The following PAPPA variants were observed in gnomAD, a reference collection of about 807,000 sequenced individuals.
The protein encoded by PAPPA is pappalysin-1.
A neutral mutation model predicts 164.0 loss-of-function variants in PAPPA; 60 were observed. The observed-to-expected ratio is 0.37, with a 90% CI of 0.30 to 0.45. The LOEUF is 0.45. Among genes scored for constraint, PAPPA ranks in the 20% least tolerant of loss-of-function variants. The probability of loss-of-function intolerance (pLI) is 1.00; values close to 1 mark genes in which losing one functional copy is unlikely to be tolerated. For synonymous variants in PAPPA, 875 were observed against 814.1 expected (o/e 1.07, Z -1.27); for missense variants, 1,782 against 2,087.3 (o/e 0.85, Z 2.85).
At chr9:116,348,934 T>C (rs1846245840) in intron 15 of PAPPA, among the ~76,000 whole-genome samples, 1 of 152,238 alleles carries the variant, frequency 6.6e-6, no homozygotes, top group South Asian at 2.1e-4. Context: ...TCCATGTCTT[T>C]ACTATTGGAA....
intron 7 of PAPPA, among the ~76,000 whole-genome samples, chr9:116,247,198 A>G (rs534683331): frequency 1.2e-4 from 19 of 152,166 alleles, no homozygotes; most frequent in Admixed American, 2.0e-4. Context: ...ATGTCTATGG[A>G]TTAATAGTTT....
chr9:116,245,353 T>C (rs1166958507), intron 7 of PAPPA, among the ~76,000 whole-genome samples: 2 of 152,204 alleles, frequency 1.3e-5, no homozygotes, highest in Non-Finnish European at 2.9e-5. Context: ...GTGGCTCATG[T>C]TGAGTTTAGA....
In PAPPA at chr9:116,347,119, C is replaced by G. The variant is rs1220683574; in HGVS notation, c.3874C>G (p.Gln1292Glu). The change falls in exon 15 of 22, where the codon CAA becomes GAA. Residue 1292 changes from glutamine (Q) to glutamate (E), a missense_variant. Physicochemically the swap from Gln to Glu is conservative, Grantham distance 29 (BLOSUM62 2). This residue lies in a region of PAPPA where 1,324 missense variants were observed against 1,656.9 expected (regional missense o/e 0.80). Coordinates refer to ENST00000328252, the MANE Select transcript of PAPPA (RefSeq NM_002581.5). This position sits in a 1 kb window ranked among gnomAD's most constrained non-coding sequence, Gnocchi z 4.5. Reference protein sequence around the residue: ...PVDCSIPDHHQVYAASFSCPE... With the variant: ...PVDCSIPDHHEVYAASFSCPE... ...CGACTGCAGCATCCCAGATCACCATCAAGTCTATGCTGCCTCCTTCTCCTG... is the reference window on the plus strand; with the variant it reads ...CGACTGCAGCATCCCAGATCACCATGAAGTCTATGCTGCCTCCTTCTCCTG... 3 of 1,614,160 alleles carry G rather than the reference C, an allele frequency of 1.9e-6. No homozygotes were observed. Among genetic ancestry groups the G allele is most frequent in the Non-Finnish European group, 2.5e-6 (3 of 1,179,966 alleles).
At chr9:116,303,300 C>T (rs1845602938) in intron 10 of PAPPA, among the ~76,000 whole-genome samples, 1 of 152,134 alleles carries the variant, frequency 6.6e-6, no homozygotes, top group Admixed American at 6.5e-5. Flanking sequence ...CTGTGTACTA[C>T]TTGAATTAAC....
intron 18 of PAPPA, among the ~76,000 whole-genome samples, chr9:116,366,440 C>T (rs996251474): frequency 2.0e-5 from 3 of 152,130 alleles, no homozygotes; most frequent in African/African-American, 7.2e-5. Context: ...TTCCTTTATC[C>T]ATTTAATCCA....
chr9:116,393,725 A>G (rs1413492490), intron 21 of PAPPA, among the ~76,000 whole-genome samples: 1 of 152,182 alleles, frequency 6.6e-6, no homozygotes, highest in Admixed American at 6.5e-5. Flanking sequence ...AGACCTGGAC[A>G]ATGAAAAAGA....
chr9:116,274,183 A>G (rs147097021), intron 9 of PAPPA, among the ~76,000 whole-genome samples: 1 of 152,298 alleles, frequency 6.6e-6, no homozygotes, highest in Non-Finnish European at 1.5e-5. Context: ...GGAATGGAAT[A>G]CAAAACCATC....
chr9:116,309,930 T>C (rs1410763299), intron 10 of PAPPA, among the ~76,000 whole-genome samples: 1 of 152,184 alleles, frequency 6.6e-6, no homozygotes. Flanking sequence ...ACAACCCTGC[T>C]GAGAATTCTT....
intron 1 of PAPPA, among the ~76,000 whole-genome samples, chr9:116,179,020 C>T (rs1843869631): frequency 6.6e-6 from 1 of 152,180 alleles, no homozygotes. Flanking sequence ...AACCCTCAGG[C>T]ATACTACTCT....
At chr9:116,377,539 C>G in intron 19 of PAPPA, 37 bp from the exon 20 acceptor site, 3 of 1,521,944 alleles carry the variant, frequency 2.0e-6, no homozygotes. Context: ...CCTCCCAATC[C>G]CAAGCCCATC....
chr9:116,176,892 G>A (rs1163418519), intron 1 of PAPPA, among the ~76,000 whole-genome samples: 2 of 151,920 alleles, frequency 1.3e-5, no homozygotes, highest in Non-Finnish European at 2.9e-5. Context: ...ACCACATCAG[G>A]GAAGCTTCCT....
intron 10 of PAPPA, among the ~76,000 whole-genome samples, chr9:116,305,176 C>CACACACACACACACACAT (rs1554750322): frequency 6.7e-6 from 1 of 149,260 alleles, no homozygotes; most frequent in Non-Finnish European, 1.5e-5. Context: ...CACACACACA[C>CACACACACACACACACAT]GGAGTCTGCA....
chr9:116,290,149 G>A (rs1845418126), intron 9 of PAPPA, among the ~76,000 whole-genome samples: 1 of 152,098 alleles, frequency 6.6e-6, no homozygotes, highest in South Asian at 2.1e-4. Flanking sequence ...AAATAATGCT[G>A]TCATTTTTTT....
intron 1 of PAPPA, among the ~76,000 whole-genome samples, chr9:116,186,928 A>G (rs1470273303): frequency 6.6e-6 from 1 of 152,162 alleles, no homozygotes; most frequent in East Asian, 1.9e-4. Flanking sequence ...AATTGTGATG[A>G]AAATGCTCCA....
rs1404257285 is a variant in PAPPA, at chr9:116,220,240, G to C, written c.2111+111G>C. On this transcript the variant is annotated intron_variant, in intron 5 of 21. Transcript: ENST00000328252. ...GGATTTTACTGCATTTCTTGTTCTT[G>C]TTCAAAAGGTATCTCCACCACCTAG... The C allele has an allele frequency of 6.3e-6, 5 of 798,176 alleles. No individual in the cohort carries two copies. In the East Asian group the frequency reaches 1.3e-4, roughly 20 times the overall value. The allele number at this position is 798,176 out of a possible 1,614,324, so 49.4% of individuals were successfully genotyped here.
intron 2 of PAPPA, among the ~76,000 whole-genome samples, chr9:116,189,042 A>G (rs903372466): frequency 2.6e-5 from 4 of 152,204 alleles, no homozygotes; most frequent in African/African-American, 7.2e-5. Context: ...GTTGATTTGC[A>G]GCTTGACTAT....
At chr9:116,335,116 C>T (rs377023574) in intron 13 of PAPPA, 42 bp downstream of exon 13, 43 of 1,488,944 alleles carry the variant, frequency 2.9e-5, no homozygotes, top group African/African-American at 1.9e-4. Flanking sequence ...CACTTGTAGC[C>T]GAGTGGAGAC....
At chr9:116,287,866 C>T (rs574319877) in intron 9 of PAPPA, among the ~76,000 whole-genome samples, 1 of 152,298 alleles carries the variant, frequency 6.6e-6, no homozygotes, top group African/African-American at 2.4e-5. Flanking sequence ...TCTCTGGCCT[C>T]TAGCTTGGAA....
intron 1 of PAPPA, among the ~76,000 whole-genome samples, chr9:116,171,026 T>C (rs1422938342): frequency 6.6e-6 from 1 of 152,226 alleles, no homozygotes; most frequent in Non-Finnish European, 1.5e-5. Context: ...CTGGTAGTGC[T>C]CTGAGTCTGG....
Sources: allele counts gnomAD v4.1 joint callset (sites outside exome capture counted in the v4.1 genomes callset), GRCh38; gene constraint gnomAD v4.1.1; regional missense constraint gnomAD v4.1.1; non-coding constraint Gnocchi (gnomAD v3.1); transcripts MANE v1.5; gene names NCBI Gene and HGNC (gene_info 2026-07-23, HGNC 2026-07-21).